Variants in PCDH11X observed in about 807,000 individuals in gnomAD.
PCDH11X encodes protocadherin 11 X-linked.
In PCDH11X, 18 loss-of-function variants were observed where a neutral mutation model predicts 53.3. The observed-to-expected ratio is 0.34, with a 90% CI of 0.23 to 0.50. The LOEUF is 0.50. PCDH11X is among the 20% of genes least tolerant of loss of function. The pLI is 0.98. For missense variants in PCDH11X, 570 were observed against 1,032.4 expected (o/e 0.55, Z 6.14); for synonymous variants, 279 against 393.3 (o/e 0.71, Z 3.44).
intron 6 of PCDH11X, among the ~76,000 whole-genome samples, chrX:91,960,558 G>A (rs1201538935): frequency 2.7e-5 from 3 of 110,467 alleles, no homozygotes; most frequent in Non-Finnish European, 5.7e-5. Context: ...CCGAATAGCT[G>A]GGATTACAGG....
At chrX:92,501,510 C>T (rs371679401) in intron 10 of PCDH11X, among the ~76,000 whole-genome samples, 268 of 111,601 alleles carry the variant, frequency 2.4e-3, no homozygotes, top group African/African-American at 8.1e-3. Context: ...GCCAGCAGCA[C>T]GTCAAAAAGC....
intron 8 of PCDH11X, among the ~76,000 whole-genome samples, chrX:92,349,675 T>C (rs1385144456): frequency 9.0e-6 from 1 of 111,113 alleles, no homozygotes; most frequent in Non-Finnish European, 1.9e-5. Context: ...GACTTTATGA[T>C]GGTGCAAAAG....
chrX:92,364,389 G>A (rs1457630075), intron 8 of PCDH11X, among the ~76,000 whole-genome samples: 1 of 111,401 alleles, frequency 9.0e-6, no homozygotes, highest in African/African-American at 3.3e-5. Context: ...AAGTATTTGT[G>A]TATCTAAACA....
At chrX:92,519,298 A>G (rs918414484) in intron 10 of PCDH11X, among the ~76,000 whole-genome samples, 4 of 106,326 alleles carry the variant, frequency 3.8e-5, no homozygotes, top group African/African-American at 1.3e-4. Context: ...CCAAACTTGT[A>G]TTTATCCTTC....
chrX:92,288,050 A>C lies in PCDH11X; in HGVS notation c.3144+24907A>C, dbSNP rs1292629587. 5 of 509,621 alleles carry C rather than the reference A, an allele frequency of 9.8e-6. No homozygotes were observed. The African/African-American group carries it at 1.2e-4, about 12-fold the overall frequency. 42.0% of individuals were successfully genotyped at this position (509,621 alleles called of 1,213,427 possible). On this transcript the variant is annotated intron_variant, in intron 8 of 10. Coordinates refer to ENST00000682573, the MANE Select transcript of PCDH11X (RefSeq NM_032968.5). ...AGAAGCATAAACCTGTATAGCCTGC[A>C]AAACTGTGAGCTGAATAAGCCTCTT...
At chrX:91,896,126 T>C (rs1336294943) in intron 6 of PCDH11X, among the ~76,000 whole-genome samples, 1 of 108,201 alleles carries the variant, frequency 9.2e-6, no homozygotes, top group Non-Finnish European at 1.9e-5. Context: ...CTTAATTAAG[T>C]AATAAATATA....
intron 8 of PCDH11X, among the ~76,000 whole-genome samples, chrX:92,379,975 A>ACCC (rs368443512): frequency 6.4e-5 from 6 of 94,315 alleles, no homozygotes; most frequent in South Asian, 4.8e-4. Flanking sequence ...CTGAAACACC[A>ACCC]CCCCCCCCAC....
At chrX:91,970,128 C>T (rs73537443) in intron 6 of PCDH11X, among the ~76,000 whole-genome samples, 1 of 110,776 alleles carries the variant, frequency 9.0e-6, no homozygotes, top group African/African-American at 3.3e-5. Flanking sequence ...GCTGGCTTCA[C>T]GAATGAAGCC....
chrX:92,285,127 T>C (rs1603254426), intron 8 of PCDH11X, among the ~76,000 whole-genome samples: 1 of 109,983 alleles, frequency 9.1e-6, no homozygotes. Context: ...GTGCCCAGTT[T>C]ATTATTGTTA....
At chrX:91,928,771 T>C (rs1313506902) in intron 6 of PCDH11X, among the ~76,000 whole-genome samples, 7 of 110,387 alleles carry the variant, frequency 6.3e-5, no homozygotes, top group Non-Finnish European at 3.8e-5. Flanking sequence ...ATAATATCCT[T>C]CTAATTTACA....
chrX:92,411,857 G>GAAGA (rs1457255171), intron 9 of PCDH11X, among the ~76,000 whole-genome samples: 7 of 90,756 alleles, frequency 7.7e-5, no homozygotes, highest in Admixed American at 1.3e-4. Context: ...TGAGAGAAAA[G>GAAGA]AAGAAAGAAA....
chrX:91,969,872 G>A (rs2061926101), intron 6 of PCDH11X, among the ~76,000 whole-genome samples: 1 of 110,113 alleles, frequency 9.1e-6, no homozygotes. Flanking sequence ...GCTTGGTGGA[G>A]AGTGCGGCCT....
At chrX:91,882,786 A>G (rs1274748841) in intron 6 of PCDH11X, 1 of 1,044,868 alleles carries the variant, frequency 9.6e-7, no homozygotes, top group Non-Finnish European at 1.3e-6. Context: ...AAAATTCAGT[A>G]ACTTTGACTC....
chrX:92,018,589 A>T (rs2062834495), intron 6 of PCDH11X, among the ~76,000 whole-genome samples: 1 of 112,351 alleles, frequency 8.9e-6, no homozygotes, highest in Non-Finnish European at 1.9e-5. Context: ...CATTTGTCTA[A>T]ATATGTATGT....
chrX:92,336,688 T>G (rs770876553), intron 8 of PCDH11X, among the ~76,000 whole-genome samples: 1 of 111,974 alleles, frequency 8.9e-6, no homozygotes, highest in South Asian at 3.7e-4. Flanking sequence ...CTCAAAGTTT[T>G]CAAAGTTTCT....
At chrX:92,148,746 G>GTA (rs1378090207) in intron 6 of PCDH11X, among the ~76,000 whole-genome samples, 46 of 105,224 alleles carry the variant, frequency 4.4e-4, no homozygotes, top group Admixed American at 1.4e-3. Context: ...TGACATACAT[G>GTA]TATACTTATA....
intron 4 of PCDH11X, among the ~76,000 whole-genome samples, chrX:91,821,199 A>G (rs7051883): frequency 9.2e-6 from 1 of 109,265 alleles, no homozygotes; most frequent in South Asian, 3.8e-4. Context: ...GTTTTTTCCA[A>G]TTCTGTGAAG....
chrX:92,270,628 G>A (rs6615352), intron 8 of PCDH11X, among the ~76,000 whole-genome samples: 21,084 of 111,048 alleles, frequency 0.19, 3,209 homozygotes, highest in East Asian at 0.76. Flanking sequence ...AAGGGGAAGA[G>A]CTGGCTGGAG....
At chrX:92,513,633 C>T (rs1334225154) in intron 10 of PCDH11X, among the ~76,000 whole-genome samples, 1 of 107,976 alleles carries the variant, frequency 9.3e-6, no homozygotes, top group East Asian at 2.9e-4. Flanking sequence ...CTTATGTCAA[C>T]ATTTTTTTCA....
Sources: gnomAD v4.1 joint callset for allele counts (sites outside exome capture counted in the v4.1 genomes callset) on GRCh38, gnomAD v4.1.1 for gene constraint, MANE v1.5 for transcripts, NCBI Gene and HGNC (gene_info 2026-07-23, HGNC 2026-07-21) for gene names.